Variants in DISC1 observed in about 807,000 individuals in gnomAD.
DISC1 encodes DISC1 scaffold protein.
Under a neutral mutation model 84.5 loss-of-function variants are expected in DISC1, and 57 were observed. The observed-to-expected ratio is 0.67, with a 90% CI of 0.55 to 0.84. The LOEUF (loss-of-function observed/expected upper bound fraction) is 0.84. Ranked by LOEUF, DISC1 falls within the 40% of genes least tolerant of loss-of-function variation. The pLI, the probability that DISC1 is intolerant of heterozygous loss-of-function variation, is 0.00. For missense variants in DISC1, 1,000 were observed against 1,057.8 expected (o/e 0.95, Z 0.76); for synonymous variants, 411 against 415.2 (o/e 0.99, Z 0.12).
intron 2 of DISC1, among the ~76,000 whole-genome samples, chr1:231,697,114 A>T (rs867473340): frequency 6.6e-6 from 1 of 152,222 alleles, no homozygotes; most frequent in Non-Finnish European, 1.5e-5. Flanking sequence ...CATGGTGCTT[A>T]CACAGAGGCC....
chr1:231,975,340 G>A (rs1037915292), intron 10 of DISC1, among the ~76,000 whole-genome samples: 3 of 152,180 alleles, frequency 2.0e-5, no homozygotes, highest in South Asian at 4.1e-4. Context: ...AAGATGTATT[G>A]TAGAGAAAAG....
At chr1:231,871,202 G>A (rs959110646) in intron 9 of DISC1, among the ~76,000 whole-genome samples, 4 of 152,120 alleles carry the variant, frequency 2.6e-5, no homozygotes, top group African/African-American at 9.7e-5. Context: ...GACTCCTTTT[G>A]GACTAGGCTA....
chr1:231,711,663 C>T (rs535529333), intron 3 of DISC1, among the ~76,000 whole-genome samples: 6 of 152,134 alleles, frequency 3.9e-5, no homozygotes, highest in East Asian at 1.9e-4. Context: ...CCACCACACC[C>T]GGCCATGAGG....
intron 1 of DISC1, among the ~76,000 whole-genome samples, chr1:231,678,103 G>C (rs1173175836): frequency 1.3e-5 from 2 of 152,210 alleles, no homozygotes; most frequent in Middle Eastern, 3.2e-3. Flanking sequence ...GGGCTTGTCT[G>C]TAAACATCCT....
intron 9 of DISC1, among the ~76,000 whole-genome samples, chr1:231,904,951 A>C (rs1029288062): frequency 2.0e-5 from 3 of 152,214 alleles, no homozygotes; most frequent in Non-Finnish European, 2.9e-5. Context: ...ATAAGATAGA[A>C]AAATCTTGAG....
At chr1:231,878,959 C>T (rs909619664) in intron 9 of DISC1, among the ~76,000 whole-genome samples, 2 of 152,112 alleles carry the variant, frequency 1.3e-5, no homozygotes, top group Non-Finnish European at 2.9e-5. Context: ...CCATAAATCA[C>T]TGTGTGAATA....
intron 9 of DISC1, among the ~76,000 whole-genome samples, chr1:231,911,760 G>A (rs1171387694): frequency 6.6e-6 from 1 of 152,176 alleles, no homozygotes; most frequent in Non-Finnish European, 1.5e-5. Context: ...ATAATATCCT[G>A]CAGAGTGTTT....
At chr1:232,007,092 T>C (rs955019702) in intron 10 of DISC1, among the ~76,000 whole-genome samples, 6 of 152,196 alleles carry the variant, frequency 3.9e-5, no homozygotes, top group African/African-American at 7.2e-5. Flanking sequence ...AGAGGATGTA[T>C]GGAAACGCCT....
At chr1:231,660,931 C>G (rs1056873489) in intron 1 of DISC1, among the ~76,000 whole-genome samples, 1 of 151,920 alleles carries the variant, frequency 6.6e-6, no homozygotes, top group Non-Finnish European at 1.5e-5. Flanking sequence ...ATATTTAGTG[C>G]TTCCTGGTGG....
At chr1:231,653,356 C>T (rs1284918326) in intron 1 of DISC1, among the ~76,000 whole-genome samples, 1 of 152,194 alleles carries the variant, frequency 6.6e-6, no homozygotes, top group African/African-American at 2.4e-5. Flanking sequence ...CATGGCCATG[C>T]AGGGACTCAG....
chr1:231,798,521 G>C (rs1226922843), intron 7 of DISC1, among the ~76,000 whole-genome samples: 2 of 152,126 alleles, frequency 1.3e-5, no homozygotes, highest in Admixed American at 1.3e-4. Context: ...ATTATGGCTG[G>C]TATTACAGAG....
chr1:231,934,557 T>G (rs892945463), intron 9 of DISC1, among the ~76,000 whole-genome samples: 1 of 152,244 alleles, frequency 6.6e-6, no homozygotes, highest in Admixed American at 6.5e-5. Context: ...CTTATGGAAG[T>G]GAAATCCTTT....
chr1:231,997,984 C>T (rs532883737), intron 10 of DISC1, among the ~76,000 whole-genome samples: 1 of 151,416 alleles, frequency 6.6e-6, no homozygotes, highest in East Asian at 1.9e-4. Flanking sequence ...TTGAAGTAGA[C>T]ATACAAGGTG....
chr1:231,767,959 GAC>G (rs1416338728), intron 5 of DISC1, among the ~76,000 whole-genome samples: 1 of 152,222 alleles, frequency 6.6e-6, no homozygotes, highest in Non-Finnish European at 1.5e-5. Context: ...GTTGTTAAGA[GAC>G]AGAGTTGTAA....
chr1:231,978,916 G>A (rs1295809645), intron 10 of DISC1, among the ~76,000 whole-genome samples: 3 of 152,196 alleles, frequency 2.0e-5, no homozygotes, highest in African/African-American at 7.2e-5. Flanking sequence ...CCAGTCCGCG[G>A]CCTGTTGAGA....
intron 6 of DISC1, among the ~76,000 whole-genome samples, chr1:231,775,126 A>G (rs921059871): frequency 1.3e-5 from 2 of 152,244 alleles, no homozygotes; most frequent in African/African-American, 4.8e-5. Context: ...CAGATCACTC[A>G]ACATCACGAC....
chr1:231,837,177 T>C (rs2082685176), intron 9 of DISC1, among the ~76,000 whole-genome samples: 1 of 152,234 alleles, frequency 6.6e-6, no homozygotes, highest in South Asian at 2.1e-4. Flanking sequence ...TTTTATATTT[T>C]AGCATAATGA....
intron 1 of DISC1, chr1:231,684,963 C>G (rs1453857908): frequency 6.6e-6 from 1 of 152,216 alleles, no homozygotes; most frequent in Non-Finnish European, 1.5e-5. Context: ...GACTGAAATG[C>G]CCCAACAGGG....
In DISC1 at chr1:232,031,812, A is replaced by G. The variant is rs1056703320; in HGVS notation, c.2426-4880A>G. ...TTTGAATCAATCTTGGGTATAGTCA[A>G]GGTTTTCCTCTTTGCTCTTGAAAGA... On this transcript the variant is annotated intron_variant, in intron 12 of 12. Transcript: ENST00000439617. The surrounding 1 kb of genome is among the most constrained non-coding windows in gnomAD (Gnocchi z 4.6). Among the ~76,000 whole-genome samples the G allele has an allele frequency of 6.6e-6, 1 of 152,178 alleles. No individual in the cohort carries two copies. Among genetic ancestry groups the G allele is most frequent in the African/African-American group, 2.4e-5 (1 of 41,442 alleles).
Sources: allele counts gnomAD v4.1 joint callset (sites outside exome capture counted in the v4.1 genomes callset), GRCh38; gene constraint gnomAD v4.1.1; non-coding constraint Gnocchi (gnomAD v3.1); transcripts MANE v1.5; gene names NCBI Gene and HGNC (gene_info 2026-07-23, HGNC 2026-07-21).